MARCHF8: variants seen among roughly 807,000 people sequenced by gnomAD.
The protein encoded by MARCHF8 is E3 ubiquitin-protein ligase MARCHF8.
MARCHF8 carries 40 observed loss-of-function variants against 51.6 expected under a neutral mutation model. The observed-to-expected ratio is 0.77, with a 90% CI of 0.60 to 1.01. The LOEUF (loss-of-function observed/expected upper bound fraction) is 1.01. Among genes scored for constraint, MARCHF8 ranks in the 50% least tolerant of loss-of-function variants. The probability of loss-of-function intolerance (pLI) is 0.00; values close to 1 mark genes in which losing one functional copy is unlikely to be tolerated. For synonymous variants in MARCHF8, 263 were observed against 280.3 expected (o/e 0.94, Z 0.62); for missense variants, 685 against 708.6 (o/e 0.97, Z 0.38).
intron 3 of MARCHF8, among the ~76,000 whole-genome samples, chr10:45,470,224 G>A (rs1843124966): frequency 6.6e-6 from 1 of 152,168 alleles, no homozygotes; most frequent in African/African-American, 2.4e-5. Flanking sequence ...GAGACTCTCT[G>A]CTCTGGTCAG....
intron 3 of MARCHF8, among the ~76,000 whole-genome samples, chr10:45,478,966 GAAGAAGAGAGAATTCTCCTTA>G (rs2042836802): frequency 6.6e-6 from 1 of 152,150 alleles, no homozygotes; most frequent in Admixed American, 6.5e-5. Flanking sequence ...CCAAAAAACT[GAAGAAGAGAGAATTCTCCTTA>G]ACTCATTCTA....
chr10:45,506,133 A>G (rs1250400610), intron 2 of MARCHF8, among the ~76,000 whole-genome samples: 2 of 152,210 alleles, frequency 1.3e-5, no homozygotes, highest in Admixed American at 6.5e-5. Context: ...AAGTACATAT[A>G]TAAACAGAAT....
chr10:45,537,417 C>A, upstream of MARCHF8, among the ~76,000 whole-genome samples: 1 of 152,120 alleles, frequency 6.6e-6, no homozygotes, highest in Non-Finnish European at 1.5e-5. Context: ...CTTTGGGGGG[C>A]CAAGGTGGGT....
chr10:45,556,930 A>T (rs1321866668), intron 1 of MARCHF8, among the ~76,000 whole-genome samples: 2 of 150,946 alleles, frequency 1.3e-5, no homozygotes, highest in East Asian at 1.9e-4. Flanking sequence ...TATGTTCCAT[A>T]AAAAAATGGT....
chr10:45,568,941 T>A (rs1018227284), intron 1 of MARCHF8, among the ~76,000 whole-genome samples: 1 of 150,710 alleles, frequency 6.6e-6, no homozygotes, highest in East Asian at 2.0e-4. Flanking sequence ...AGTGGGCGCC[T>A]GTAGTCCGAG....
At chr10:45,538,841 G>C (rs34330119), upstream of MARCHF8, among the ~76,000 whole-genome samples, 1,692 of 152,232 alleles carry the variant, frequency 0.011, 40 homozygotes, top group African/African-American at 0.038. Context: ...CCTACAAAGA[G>C]ACTTAGACAC....
At chr10:45,568,638 G>A (rs1258002110) in intron 1 of MARCHF8, among the ~76,000 whole-genome samples, 1 of 145,360 alleles carries the variant, frequency 6.9e-6, no homozygotes, top group East Asian at 2.1e-4. Flanking sequence ...AGAATCACTT[G>A]AACCCAGGAG....
chr10:45,480,970 G>C (rs1261064538), intron 3 of MARCHF8, among the ~76,000 whole-genome samples: 1 of 152,254 alleles, frequency 6.6e-6, no homozygotes, highest in Non-Finnish European at 1.5e-5. Flanking sequence ...GCTCGTGAAA[G>C]CAGCCAGGAG....
At chr10:45,509,201 A>C (rs1184476860) in intron 2 of MARCHF8, among the ~76,000 whole-genome samples, 1 of 152,184 alleles carries the variant, frequency 6.6e-6, no homozygotes, top group Admixed American at 6.5e-5. Flanking sequence ...TGGGTTGATA[A>C]TACTACTAAC....
At chr10:45,510,442 A>G (rs907518455) in intron 2 of MARCHF8, among the ~76,000 whole-genome samples, 1 of 152,204 alleles carries the variant, frequency 6.6e-6, no homozygotes, top group Non-Finnish European at 1.5e-5. Flanking sequence ...ATAAAGTACC[A>G]TTTTACAAGA....
chr10:45,573,265 T>A (rs995793065), intron 1 of MARCHF8, among the ~76,000 whole-genome samples: 3 of 152,162 alleles, frequency 2.0e-5, no homozygotes, highest in Non-Finnish European at 4.4e-5. Flanking sequence ...TAAAATTAAA[T>A]TCCGGCCCTC....
intron 7 of MARCHF8, 141 bp from the exon 8 acceptor site, chr10:45,458,684 A>G: frequency 2.2e-6 from 2 of 907,490 alleles, no homozygotes; most frequent in Non-Finnish European, 3.2e-6. Flanking sequence ...TATGTTGCCC[A>G]GGCTGGAGTG....
At chr10:45,464,856 A>G (rs1325528252) in intron 3 of MARCHF8, among the ~76,000 whole-genome samples, 2 of 152,230 alleles carry the variant, frequency 1.3e-5, no homozygotes, top group East Asian at 1.9e-4. Flanking sequence ...AAGGGAGTCC[A>G]GACCACGTCA....
chr10:45,534,082 C>T (rs1198616645), intron 1 of MARCHF8, among the ~76,000 whole-genome samples: 2 of 152,080 alleles, frequency 1.3e-5, no homozygotes, highest in Non-Finnish European at 2.9e-5. Context: ...ACTCAGGAGG[C>T]TGAGGCAGGA....
chr10:45,583,656 C>T (rs948832202), intron 1 of MARCHF8, among the ~76,000 whole-genome samples: 1 of 152,074 alleles, frequency 6.6e-6, no homozygotes, highest in African/African-American at 2.4e-5. Flanking sequence ...GGTGAAAAAG[C>T]ATATTTCAAA....
At chr10:45,489,266 TA>T in intron 3 of MARCHF8, 100 bp downstream of exon 3, 1 of 882,648 alleles carries the variant, frequency 1.1e-6, no homozygotes, top group Non-Finnish European at 1.8e-6. Flanking sequence ...TCAAGAACTC[TA>T]ACGTCTTTTC....
At chr10:45,466,993 A>C (rs1266793602) in intron 3 of MARCHF8, among the ~76,000 whole-genome samples, 1 of 152,180 alleles carries the variant, frequency 6.6e-6, no homozygotes, top group African/African-American at 2.4e-5. Flanking sequence ...GTGGTTCCCC[A>C]TGTGTGTGCA....
At position 45,533,307 on chromosome 10, in the gene MARCHF8, G is replaced by A. The variant is rs907410777; in HGVS notation, c.-78-18C>T. ...ATTTCAAGCTGAGAGAAAATGAAGA[G>A]AGAATAAACATAACTCAGCTAAAAC... On this transcript the variant is annotated intron_variant, in intron 1 of 7. Transcript: ENST00000453424. 29 of 1,414,042 alleles carry A rather than the reference G, an allele frequency of 2.1e-5. No individual in the cohort carries two copies. The highest frequency in any genetic ancestry group is 2.6e-5 in the Non-Finnish European group (28 of 1,079,548). 87.6% of individuals were successfully genotyped at this position (1,414,042 alleles called of 1,614,324 possible). A position where few individuals can be genotyped will look rare whatever the true frequency, so the allele number is the denominator to read the frequency against.
At chr10:45,584,514 GA>G (rs1476097619) in intron 1 of MARCHF8, among the ~76,000 whole-genome samples, 1 of 152,012 alleles carries the variant, frequency 6.6e-6, no homozygotes, top group Admixed American at 6.6e-5. Context: ...TAAGGACATG[GA>G]ACAAGAACTC....
Sources: gnomAD v4.1 joint callset for allele counts (sites outside exome capture counted in the v4.1 genomes callset) on GRCh38, gnomAD v4.1.1 for gene constraint, MANE v1.5 for transcripts, NCBI Gene and HGNC (gene_info 2026-07-23, HGNC 2026-07-21) for gene names.